IREB2: variants seen among roughly 807,000 people sequenced by gnomAD.
IREB2 encodes iron-responsive element-binding protein 2.
In IREB2, 39 loss-of-function variants were observed where a neutral mutation model predicts 118.8. The ratio of observed to expected loss-of-function variants is 0.33; its 90% CI spans 0.25 to 0.43. IREB2 has a LOEUF of 0.43. Ranked by LOEUF, IREB2 falls within the 20% of genes least tolerant of loss-of-function variation. The pLI is 1.00. For synonymous variants in IREB2, 372 were observed against 392.2 expected, an observed-to-expected ratio of 0.95 and a Z score of 0.61; for missense variants, 900 against 1,147.3, an observed-to-expected ratio of 0.78 and a Z score of 3.11.
intron 16 of IREB2, among the ~76,000 whole-genome samples, chr15:78,489,972 T>C (rs1056153717): frequency 6.6e-6 from 1 of 152,248 alleles, no homozygotes; most frequent in African/African-American, 2.4e-5. Context: ...TCTTTCTAAA[T>C]TCTTTAACTT....
intron 11 of IREB2, 144 bp from the exon 12 acceptor site, chr15:78,484,617 T>C (rs1050826132): frequency 1.7e-6 from 1 of 581,290 alleles, no homozygotes; most frequent in Non-Finnish European, 3.0e-6. Context: ...AACTACTGAA[T>C]GTTATGGGCC....
At chr15:78,483,638 A>G (rs1386155634) in intron 11 of IREB2, among the ~76,000 whole-genome samples, 2 of 152,166 alleles carry the variant, frequency 1.3e-5, no homozygotes, top group Non-Finnish European at 2.9e-5. Context: ...AGGATCAGAG[A>G]TTGATTGTGT....
At chr15:78,480,263 C>G (rs2051543584) in intron 10 of IREB2, 1 of 152,174 alleles carries the variant, frequency 6.6e-6, no homozygotes, top group Non-Finnish European at 1.5e-5. Context: ...ATTTTCACCT[C>G]TATTAGATCT....
intron 11 of IREB2, 61 bp downstream of exon 11, chr15:78,483,495 C>A: frequency 2.3e-6 from 2 of 873,056 alleles, no homozygotes; most frequent in Non-Finnish European, 3.9e-6. Context: ...AGTAAAGAAC[C>A]AACAAGGTGA....
intron 5 of IREB2, 85 bp from the exon 6 acceptor site, chr15:78,470,447 A>G (rs2051356250): frequency 2.8e-6 from 2 of 715,248 alleles, no homozygotes; most frequent in African/African-American, 1.8e-5. Context: ...GTGTATATAT[A>G]TGCCTAAGAA....
chr15:78,456,665 CA>C (rs10717771), intron 2 of IREB2, among the ~76,000 whole-genome samples: 2,492 of 130,224 alleles, frequency 0.019, 45 homozygotes, highest in East Asian at 0.11. Flanking sequence ...GTCCTTATCT[CA>C]AAAAAAAAAA....
intron 2 of IREB2, among the ~76,000 whole-genome samples, chr15:78,446,508 T>TA (rs1164327642): frequency 2.0e-5 from 3 of 152,088 alleles, no homozygotes; most frequent in Non-Finnish European, 4.4e-5. Context: ...AGGAAGTTGT[T>TA]TATTATTTTC....
intron 10 of IREB2, 151 bp downstream of exon 10, chr15:78,478,548 T>C (rs2051514082): frequency 1.8e-6 from 1 of 545,336 alleles, no homozygotes; most frequent in Admixed American, 3.3e-5. Flanking sequence ...GCAAAAAAAC[T>C]ACAAACATTA....
rs867157040 is a variant in IREB2, at chr15:78,499,993, C to A, written c.*1850C>A. 6.6e-6 allele frequency: 1 copy of A among 152,338 alleles called. No homozygotes were observed. Among genetic ancestry groups the A allele is most frequent in the African/African-American group, 2.4e-5 (1 of 41,446 alleles). 9.4% of individuals were successfully genotyped at this position (152,338 alleles called of 1,614,324 possible). ...TCAGCCTCCTGAGTAGCTGGGACTA[C>A]AAGCATGCACCACCACGCCCAGCTA... is the stretch of plus-strand genomic sequence containing the variant. On this transcript the variant is annotated 3_prime_UTR_variant, in exon 22 of 22. Transcript: ENST00000258886.
In IREB2 at chr15:78,463,406, A is replaced by C. The variant is rs554601421; in HGVS notation, c.272+319A>C. 7.9e-5 allele frequency among the ~76,000 whole-genome samples: 12 copies of C among 152,278 alleles called. No individual in the cohort carries two copies. In the East Asian group the frequency reaches 2.3e-3, roughly 29 times the overall value. Reference sequence around the variant, plus strand: ...CAGTGAGCTGTGATCACACCACTGCACTCCAGCCTGGGTGACAATGCAAGA... The same window carrying C: ...CAGTGAGCTGTGATCACACCACTGCCCTCCAGCCTGGGTGACAATGCAAGA... On this transcript the variant is annotated intron_variant, in intron 3 of 21. Transcript: ENST00000258886.
intron 10 of IREB2, among the ~76,000 whole-genome samples, chr15:78,482,465 G>GC (rs1426688425): frequency 6.6e-6 from 1 of 152,184 alleles, no homozygotes; most frequent in Non-Finnish European, 1.5e-5. Flanking sequence ...ACCCTGAGTT[G>GC]CAGCAGGCTG....
intron 21 of IREB2, 26 bp downstream of exon 21, chr15:78,497,337 GATT>G: frequency 7.0e-7 from 1 of 1,437,526 alleles, no homozygotes; most frequent in South Asian, 1.2e-5. Context: ...TCAAATATAT[GATT>G]ATGCACTCAA....
chr15:78,486,726 G>A (rs2097180761), intron 13 of IREB2, among the ~76,000 whole-genome samples: 1 of 152,184 alleles, frequency 6.6e-6, no homozygotes, highest in Non-Finnish European at 1.5e-5. Flanking sequence ...CTGGAGTGCA[G>A]TGGTGCAATC....
intron 2 of IREB2, among the ~76,000 whole-genome samples, chr15:78,447,783 T>C (rs1205829532): frequency 6.6e-6 from 1 of 152,144 alleles, no homozygotes; most frequent in Admixed American, 6.5e-5. Flanking sequence ...CTTGGTTCTT[T>C]TTTGTTTCCA....
intron 8 of IREB2, chr15:78,475,497 T>C (rs1315879669): frequency 6.6e-6 from 1 of 152,202 alleles, no homozygotes; most frequent in Non-Finnish European, 1.5e-5. Flanking sequence ...TTCATCAGTC[T>C]ATTAGTATTT....
At chr15:78,471,706 A>G in intron 6 of IREB2, 35 bp from the exon 7 acceptor site, 3 of 1,355,284 alleles carry the variant, frequency 2.2e-6, no homozygotes, top group Non-Finnish European at 3.0e-6. Context: ...TTTATATACT[A>G]ACATTTGTAT....
intron 2 of IREB2, among the ~76,000 whole-genome samples, chr15:78,448,125 C>G (rs953100839): frequency 4.6e-5 from 7 of 152,058 alleles, no homozygotes; most frequent in Non-Finnish European, 1.0e-4. Context: ...CTCTCAATGG[C>G]AATGTATGTA....
In IREB2 at chr15:78,468,509, G is replaced by A. The variant is rs117667771; in HGVS notation, c.629+2020G>A. Among the ~76,000 whole-genome samples the A allele has an allele frequency of 5.0e-4, 75 of 150,646 alleles. 2 individuals are homozygous for A. In the East Asian group the frequency reaches 0.014, roughly 28 times the overall value. On this transcript the variant is annotated intron_variant, in intron 5 of 21. Coordinates refer to ENST00000258886, the MANE Select transcript of IREB2 (RefSeq NM_004136.4). ...TCATCCCACCTTGGCCTCGCAAAGTGCTGGGACTGCAGGCATGTGGCACTC... is the reference window on the plus strand; with the variant it reads ...TCATCCCACCTTGGCCTCGCAAAGTACTGGGACTGCAGGCATGTGGCACTC...
intron 20 of IREB2, among the ~76,000 whole-genome samples, 153 bp downstream of exon 20, chr15:78,494,417 T>A (rs1237893118): frequency 6.6e-6 from 1 of 152,226 alleles, no homozygotes; most frequent in East Asian, 1.9e-4. Context: ...ATTTCAGTGA[T>A]CTTTGGTAAT....
Sources: allele counts gnomAD v4.1 joint callset (sites outside exome capture counted in the v4.1 genomes callset), GRCh38; gene constraint gnomAD v4.1.1; transcripts MANE v1.5; gene names NCBI Gene and HGNC (gene_info 2026-07-23, HGNC 2026-07-21).